EYA1: variants seen among roughly 807,000 people sequenced by gnomAD.
EYA1 encodes the protein EYA transcriptional coactivator and phosphatase 1.
A neutral mutation model predicts 82.0 loss-of-function variants in EYA1; 16 were observed. The observed-to-expected ratio is 0.20, with a 90% CI of 0.13 to 0.30. The LOEUF (loss-of-function observed/expected upper bound fraction) is 0.30. Among genes scored for constraint, EYA1 ranks in the 10% least tolerant of loss-of-function variants. The pLI is 1.00. For synonymous variants in EYA1, 261 were observed against 264.4 expected, an observed-to-expected ratio of 0.99 and a Z score of 0.12; for missense variants, 633 against 730.7, an observed-to-expected ratio of 0.87 and a Z score of 1.54.
intron 1 of EYA1, among the ~76,000 whole-genome samples, chr8:71,360,353 G>A (rs1827265313): frequency 6.6e-6 from 1 of 152,148 alleles, no homozygotes; most frequent in South Asian, 2.1e-4. Flanking sequence ...CTTGCTGCAA[G>A]TGTTTTTCTT....
chr8:71,265,068 T>G lies in EYA1; in HGVS notation c.1050+4672A>C, dbSNP rs79576871. On this transcript the variant is annotated intron_variant, in intron 11 of 17. Coordinates refer to ENST00000340726, the MANE Select transcript of EYA1 (RefSeq NM_000503.6). ...ATCCGATCCTCTTTCTATCACACTC[T>G]AAGGCATAGCGTATACTTGTAATTC... Among the ~76,000 whole-genome samples, 222 of 152,328 alleles carry G rather than the reference T, an allele frequency of 1.5e-3. 9 individuals carry two copies. The East Asian group carries it at 0.034, about 23-fold the overall frequency.
intron 2 of EYA1, among the ~76,000 whole-genome samples, chr8:71,517,322 G>A (rs1312396260): frequency 6.6e-6 from 1 of 151,838 alleles, no homozygotes; most frequent in Non-Finnish European, 1.5e-5. Context: ...ATGATCCTAT[G>A]TCTTTTACAG....
chr8:71,349,549 ATT>A (rs1238637153), intron 3 of EYA1, among the ~76,000 whole-genome samples: 1 of 152,104 alleles, frequency 6.6e-6, no homozygotes, highest in African/African-American at 2.4e-5. Context: ...TAAGTCTTGG[ATT>A]TTTTTTGTGC....
intron 2 of EYA1, among the ~76,000 whole-genome samples, chr8:71,487,253 TAA>T (rs1810642270): frequency 6.6e-6 from 1 of 152,074 alleles, no homozygotes; most frequent in Non-Finnish European, 1.5e-5. Context: ...CTTTCTACAT[TAA>T]GTTTAATTTA....
At chr8:71,534,409 T>G (rs1332250543) in intron 2 of EYA1, among the ~76,000 whole-genome samples, 1 of 152,256 alleles carries the variant, frequency 6.6e-6, no homozygotes, top group African/African-American at 2.4e-5. Flanking sequence ...TCTCACAAGT[T>G]GACTTAGAAT....
upstream of EYA1, among the ~76,000 whole-genome samples, chr8:71,362,842 C>T (rs1402769553): frequency 2.0e-5 from 3 of 152,192 alleles, no homozygotes; most frequent in South Asian, 6.2e-4. Flanking sequence ...ATAACACTCA[C>T]CTAAAGAGCT....
rs201208175 is a variant in EYA1, at chr8:71,360,900, AATAAAT to A, written c.-55+741_-55+746del. ...TCTAATGTGTTCAAAACCTCCTCCC[AATAAAT>A]ATAAACCCATGAGTCATTAACAATT... is the stretch of plus-strand genomic sequence containing the variant. On this transcript the variant is annotated intron_variant, in intron 1 of 17. Coordinates refer to ENST00000340726, the MANE Select transcript of EYA1 (RefSeq NM_000503.6). 2.5e-4 allele frequency among the ~76,000 whole-genome samples: 38 copies of A among 152,346 alleles called. 1 individual carries two copies. In the East Asian group the frequency reaches 5.2e-3, roughly 21 times the overall value.
chr8:71,460,811 CT>C (rs1400256840), intron 2 of EYA1, among the ~76,000 whole-genome samples: 26 of 152,312 alleles, frequency 1.7e-4, no homozygotes, highest in African/African-American at 6.3e-4. Flanking sequence ...GACAGCTCGA[CT>C]TTAGCAAGCA....
chr8:71,218,505 A>G (rs1809485229), intron 12 of EYA1, among the ~76,000 whole-genome samples: 1 of 152,140 alleles, frequency 6.6e-6, no homozygotes. Flanking sequence ...AGCACGCAGC[A>G]AGTTCCAAGG....
intron 3 of EYA1, among the ~76,000 whole-genome samples, chr8:71,346,450 A>C (rs1035754353): frequency 5.9e-5 from 8 of 134,836 alleles, no homozygotes; most frequent in Non-Finnish European, 1.2e-4. Context: ...ATATATATAT[A>C]TATATCTATA....
At chr8:71,298,935 T>C in intron 9 of EYA1, 112 bp downstream of exon 9, 1 of 947,794 alleles carries the variant, frequency 1.1e-6, no homozygotes, top group Non-Finnish European at 1.7e-6. Context: ...ATTTAGTCCT[T>C]GCCAAAAGCT....
intron 2 of EYA1, among the ~76,000 whole-genome samples, chr8:71,396,106 T>C (rs545405850): frequency 6.6e-6 from 1 of 152,324 alleles, no homozygotes; most frequent in South Asian, 2.1e-4. Context: ...TCTCTGATGG[T>C]AGTTTGTATT....
At chr8:71,442,218 T>C (rs1806482186) in intron 2 of EYA1, among the ~76,000 whole-genome samples, 1 of 152,218 alleles carries the variant, frequency 6.6e-6, no homozygotes, top group South Asian at 2.1e-4. Flanking sequence ...CACTAAACTC[T>C]TCACCCATAA....
At chr8:71,505,063 G>T (rs1812090127) in intron 2 of EYA1, among the ~76,000 whole-genome samples, 1 of 152,206 alleles carries the variant, frequency 6.6e-6, no homozygotes, top group African/African-American at 2.4e-5. Flanking sequence ...GCCTCCCAGA[G>T]TGCTGGGATT....
intron 2 of EYA1, among the ~76,000 whole-genome samples, chr8:71,395,805 T>G (rs1829569522): frequency 6.6e-6 from 1 of 152,228 alleles, no homozygotes; most frequent in Admixed American, 6.5e-5. Flanking sequence ...GTTGGCTTCA[T>G]AAAAAGAATT....
intron 9 of EYA1, among the ~76,000 whole-genome samples, chr8:71,286,521 G>A (rs545894085): frequency 1.3e-5 from 2 of 152,328 alleles, no homozygotes; most frequent in East Asian, 3.9e-4. Context: ...TGGCAGTGAG[G>A]TAAGAGGGTA....
chr8:71,377,658 G>T (rs967154219), intron 2 of EYA1, among the ~76,000 whole-genome samples: 1 of 152,016 alleles, frequency 6.6e-6, no homozygotes, highest in African/African-American at 2.4e-5. Context: ...CACTCACATT[G>T]TTGTGCATCA....
Position 71,435,426 on chromosome 8 carries a change from T to C in EYA1, c.34-78915A>G. 1.3e-5 allele frequency among the ~76,000 whole-genome samples: 2 copies of C among 152,136 alleles called. 1 individual carries two copies. ...ATATAAATATATTTATTTTTCCTTT[T>C]AATTTTTAAAATTATCTACTGAAAT... On this transcript the variant is annotated intron_variant, in intron 2 of 18. Coordinates refer to the EYA1 transcript ENST00000643681.
intron 2 of EYA1, among the ~76,000 whole-genome samples, chr8:71,367,602 T>A (rs1236601452): frequency 6.7e-6 from 1 of 149,026 alleles, no homozygotes; most frequent in Admixed American, 6.7e-5. Context: ...AGACAGAAGG[T>A]CAGAATTCAA....
Sources: allele counts gnomAD v4.1 joint callset (sites outside exome capture counted in the v4.1 genomes callset), GRCh38; gene constraint gnomAD v4.1.1; transcripts MANE v1.5; gene names NCBI Gene and HGNC (gene_info 2026-07-23, HGNC 2026-07-21).